TJP1: variants seen among roughly 807,000 people sequenced by gnomAD.
TJP1 encodes tight junction protein 1.
TJP1 carries 43 observed loss-of-function variants against 194.2 expected under a neutral mutation model. The observed-to-expected ratio is 0.22, with a 90% CI of 0.17 to 0.29. The LOEUF (loss-of-function observed/expected upper bound fraction) is 0.29, where lower values mean the gene tolerates loss of function less well. TJP1 is among the 10% of genes least tolerant of loss of function. The pLI is 1.00. For missense variants in TJP1, 1,971 were observed against 2,185.7 expected (o/e 0.90, Z 1.96); for synonymous variants, 801 against 779.0 (o/e 1.03, Z -0.47).
At chr15:29,720,157 AAAAAAAAAAAAT>A in intron 19 of TJP1, 141 bp from the exon 20 acceptor site, 1 of 433,596 alleles carries the variant, frequency 2.3e-6, no homozygotes, top group Non-Finnish European at 3.3e-6. Context: ...ACTTTTTGGG[AAAAAAAAAAAAT>A]CCAGTACATT....
intron 2 of TJP1, among the ~76,000 whole-genome samples, chr15:29,898,886 T>C (rs1259283040): frequency 1.3e-5 from 2 of 152,230 alleles, no homozygotes; most frequent in Non-Finnish European, 2.9e-5. Flanking sequence ...ATAAAATGCT[T>C]ATTAAATATA....
At chr15:29,865,893 T>C (rs1472870902) in intron 2 of TJP1, among the ~76,000 whole-genome samples, 1 of 152,154 alleles carries the variant, frequency 6.6e-6, no homozygotes, top group African/African-American at 2.4e-5. Context: ...TGTACCCAGT[T>C]TTATTGAGAT....
Position 29,787,434 on chromosome 15 carries a change from A to G in TJP1, c.84+13212T>C, listed in dbSNP as rs191004955. ...TCAAAAGTATAAGCAACAAAAGAGA[A>G]AACACATACATTGGACCCCATCAAA... On this transcript the variant is annotated intron_variant, in intron 2 of 27. Transcript: ENST00000614355. Among the ~76,000 whole-genome samples the G allele has an allele frequency of 1.6e-3, 240 of 152,312 alleles. 1 individual carries two copies. The highest frequency in any genetic ancestry group is 6.8e-3 in the Middle Eastern group (2 of 294).
At chr15:29,798,148 T>A (rs1169023235) in intron 2 of TJP1, among the ~76,000 whole-genome samples, 4 of 152,154 alleles carry the variant, frequency 2.6e-5, no homozygotes, top group Non-Finnish European at 5.9e-5. Context: ...AATTTTTGTA[T>A]TTTTAGTAGA....
Position 29,719,136 on chromosome 15 carries a change from C to A in TJP1, c.3006G>T (p.Val1002=). The A allele has an allele frequency of 1.3e-6, 2 of 1,578,956 alleles. No individual in the cohort carries two copies. Among genetic ancestry groups the A allele is most frequent in the Non-Finnish European group, 8.6e-7 (1 of 1,166,728 alleles). ...SLSSHVDPTK[V]YRKDPYPEEM... is the part of the protein sequence containing the mutation. The stretch of plus-strand genomic sequence containing the variant: ...CCTCGGGATATGGATCCTTTCTATA[C>A]ACCTGTATAAAAAATTCACATTTAA... Residue 1002 remains valine, a splice_region_variant and synonymous_variant, in exon 21 of 28, where the codon GTG becomes GTT. Coordinates refer to ENST00000614355, the MANE Select transcript of TJP1 (RefSeq NM_001330239.4).
At chr15:29,801,215 T>C (rs1187630930) in intron 1 of TJP1, among the ~76,000 whole-genome samples, 1 of 152,184 alleles carries the variant, frequency 6.6e-6, no homozygotes, top group Non-Finnish European at 1.5e-5. Context: ...GTTTCAGTTT[T>C]GCTACAGAAT....
chr15:29,821,233 A>G (rs1022171615), intron 1 of TJP1, among the ~76,000 whole-genome samples: 10 of 152,324 alleles, frequency 6.6e-5, no homozygotes, highest in Admixed American at 1.3e-4. Context: ...AAATGCAATA[A>G]TATTTCAGAG....
chr15:29,890,043 C>T (rs1288435727), intron 2 of TJP1, among the ~76,000 whole-genome samples: 2 of 152,190 alleles, frequency 1.3e-5, no homozygotes, highest in African/African-American at 2.4e-5. Context: ...CTCTTTTCTC[C>T]TCTTCCACCC....
chr15:29,961,564 T>C (rs2056164843), intron 1 of TJP1, among the ~76,000 whole-genome samples: 1 of 152,100 alleles, frequency 6.6e-6, no homozygotes, highest in Non-Finnish European at 1.5e-5. Context: ...CTTTGTAACT[T>C]CCCTTGTGAG....
At chr15:29,875,195 C>T (rs568762199) in intron 2 of TJP1, among the ~76,000 whole-genome samples, 1 of 152,332 alleles carries the variant, frequency 6.6e-6, no homozygotes, top group South Asian at 2.1e-4. Flanking sequence ...TCAAGCAAAA[C>T]CTTCTACTCT....
At chr15:29,734,488 CTTTT>C in intron 11 of TJP1, 106 bp from the exon 12 acceptor site, 1 of 557,670 alleles carries the variant, frequency 1.8e-6, no homozygotes, top group Non-Finnish European at 2.9e-6. Context: ...AATATCACAT[CTTTT>C]TTTTTTTTTG....
intron 2 of TJP1, among the ~76,000 whole-genome samples, chr15:29,834,909 C>T (rs2050974415): frequency 6.6e-6 from 1 of 152,198 alleles, no homozygotes; most frequent in Non-Finnish European, 1.5e-5. Context: ...CATTATCATT[C>T]TACCTAATAA....
At chr15:29,766,729 T>A (rs765945159) in intron 4 of TJP1, among the ~76,000 whole-genome samples, 187 bp from the exon 5 acceptor site, 13 of 152,220 alleles carry the variant, frequency 8.5e-5, no homozygotes, top group Non-Finnish European at 1.9e-4. Context: ...TCTGTTCTCC[T>A]GATAAACAGA....
In TJP1 at chr15:29,705,581, T is replaced by C. The variant is rs1194453877; in HGVS notation, c.5015A>G (p.Tyr1672Cys). The change falls in exon 26 of 28, where the codon TAT becomes TGT. Residue 1672 changes from tyrosine (Y) to cysteine (C), a missense_variant. Coordinates refer to ENST00000614355, the MANE Select transcript of TJP1 (RefSeq NM_001330239.4). The stretch of plus-strand genomic sequence containing the variant: ...GCTGTTGTCCCGGCAGACCTTGAAA[T>C]AGATTTCCTGCTCAACTCCTTCGGG... Reference protein sequence around the residue: ...AIPEGVEQEIYFKVCRDNSIL... With the variant: ...AIPEGVEQEICFKVCRDNSIL... The C allele has an allele frequency of 3.7e-6, 6 of 1,614,104 alleles. No individual in the cohort carries two copies. Among genetic ancestry groups the C allele is most frequent in the African/African-American group, 1.3e-5 (1 of 74,938 alleles).
At chr15:29,792,037 T>C (rs548741721) in intron 2 of TJP1, among the ~76,000 whole-genome samples, 3 of 152,262 alleles carry the variant, frequency 2.0e-5, no homozygotes, top group South Asian at 4.2e-4. Flanking sequence ...ATCTCATCAG[T>C]TGGGTAGTCT....
At chr15:29,711,143 T>C in intron 23 of TJP1, 143 bp from the exon 24 acceptor site, 1 of 861,700 alleles carries the variant, frequency 1.2e-6, no homozygotes, top group Non-Finnish European at 1.7e-6. Context: ...GTAGCTACTC[T>C]ACCAAAATAT....
intron 4 of TJP1, among the ~76,000 whole-genome samples, chr15:29,768,993 A>C (rs545326963): frequency 9.2e-5 from 14 of 152,352 alleles, no homozygotes; most frequent in Non-Finnish European, 1.8e-4. Context: ...AGAACCAATA[A>C]AATGAAAGTC....
chr15:29,842,536 G>A (rs1368715748), intron 2 of TJP1, among the ~76,000 whole-genome samples: 1 of 152,136 alleles, frequency 6.6e-6, no homozygotes, highest in Admixed American at 6.5e-5. Context: ...GCTTTGCAAT[G>A]TGGGAGGAAA....
intron 9 of TJP1, among the ~76,000 whole-genome samples, chr15:29,742,243 T>C (rs1281067338): frequency 4.0e-5 from 6 of 149,746 alleles, no homozygotes; most frequent in Non-Finnish European, 7.5e-5. Flanking sequence ...AGAGTGAGAC[T>C]CTGTCTCAAA....
Sources: allele counts gnomAD v4.1 joint callset (sites outside exome capture counted in the v4.1 genomes callset), GRCh38; gene constraint gnomAD v4.1.1; transcripts MANE v1.5; gene names NCBI Gene and HGNC (gene_info 2026-07-23, HGNC 2026-07-21).